S100A8: variants seen among roughly 807,000 people sequenced by gnomAD.
S100A8 encodes the protein protein S100-A8.
S100A8 carries 1 observed loss-of-function variant against 4.2 expected under a neutral mutation model. That is an observed-to-expected ratio of 0.24 (90% CI 0.08 to 1.12). The LOEUF (loss-of-function observed/expected upper bound fraction) is 1.12, where lower values mean the gene tolerates loss of function less well. Among genes scored for constraint, S100A8 ranks in the 50% most tolerant of loss-of-function variants. The probability of loss-of-function intolerance (pLI) is 0.53; values close to 1 mark genes in which losing one functional copy is unlikely to be tolerated. For synonymous variants in S100A8, 41 were observed against 44.7 expected (o/e 0.92, Z 0.33); for missense variants, 96 against 111.8 (o/e 0.86, Z 0.64).
At chr1:153,417,805 T>A in the S100A8 span, 1 of 366,950 alleles carries the variant, frequency 2.7e-6, no homozygotes, top group Non-Finnish European at 4.9e-6. Flanking sequence ...CTGCTTCTCC[T>A]TCTCTGAAGC....
the S100A8 span, chr1:153,417,938 A>AG: frequency 7.2e-6 from 9 of 1,251,624 alleles, no homozygotes; most frequent in African/African-American, 1.5e-5. Flanking sequence ...TCACATTTAA[A>AG]AAAATCAAGT....
At chr1:153,412,877 C>T in the S100A8 span, among the ~76,000 whole-genome samples, 1 of 152,124 alleles carries the variant, frequency 6.6e-6, no homozygotes, top group Non-Finnish European at 1.5e-5. Flanking sequence ...AGCAGACTAT[C>T]GCAAGGATAG....
the S100A8 span, chr1:153,417,936 A>T: frequency 9.2e-7 from 1 of 1,084,290 alleles, no homozygotes; most frequent in Non-Finnish European, 1.2e-6. Context: ...CATCACATTT[A>T]AAAAAATCAA....
chr1:153,391,273 G>A, upstream of S100A8: 1 of 885,196 alleles, frequency 1.1e-6, no homozygotes, highest in East Asian at 1.2e-4. Context: ...GGCATTTGCT[G>A]GGCAATAGTG....
the S100A8 span, among the ~76,000 whole-genome samples, chr1:153,411,158 G>C: frequency 1.3e-5 from 2 of 152,088 alleles, no homozygotes; most frequent in African/African-American, 2.4e-5. Context: ...AGAAATAAAG[G>C]GTATTCAATT....
At chr1:153,397,611 G>T in the S100A8 span, among the ~76,000 whole-genome samples, 47 of 152,304 alleles carry the variant, frequency 3.1e-4, no homozygotes, top group African/African-American at 1.0e-3. Flanking sequence ...GGCAGGGCGG[G>T]TGAGGCAGCT....
chr1:153,412,222 G>A, the S100A8 span, among the ~76,000 whole-genome samples: 4 of 152,070 alleles, frequency 2.6e-5, no homozygotes, highest in African/African-American at 9.7e-5. Flanking sequence ...GAAAATTTTT[G>A]CAACCTACTC....
At chr1:153,404,804 A>G in the S100A8 span, among the ~76,000 whole-genome samples, 3 of 151,356 alleles carry the variant, frequency 2.0e-5, no homozygotes, top group Non-Finnish European at 4.4e-5. Context: ...TTTTTTTAAC[A>G]GGTGCAAGAT....
intron 1 of S100A8, 192 bp from the exon 2 acceptor site, chr1:153,390,749 G>T (rs942806670): frequency 2.9e-6 from 2 of 692,568 alleles, no homozygotes; most frequent in African/African-American, 3.6e-5. Context: ...GAAGGGGAAG[G>T]GTCCATTCAC....
the S100A8 span, among the ~76,000 whole-genome samples, chr1:153,412,344 A>C: frequency 6.6e-6 from 1 of 152,272 alleles, no homozygotes; most frequent in Non-Finnish European, 1.5e-5. Flanking sequence ...GACACTTCTC[A>C]AAAGATGACA....
the S100A8 span, among the ~76,000 whole-genome samples, chr1:153,403,203 G>T: frequency 1.3e-5 from 2 of 152,188 alleles, no homozygotes; most frequent in Non-Finnish European, 2.9e-5. Context: ...TTTCTTCTAA[G>T]AGTTTTAGTT....
At chr1:153,395,571 G>A (rs1354777373), upstream of S100A8, among the ~76,000 whole-genome samples, 3 of 152,092 alleles carry the variant, frequency 2.0e-5, no homozygotes, top group Non-Finnish European at 4.4e-5. Flanking sequence ...GGCTGTGCAG[G>A]TCTGATCTGT....
chr1:153,405,826 A>G, the S100A8 span, among the ~76,000 whole-genome samples: 20,869 of 151,138 alleles, frequency 0.14, 1,261 homozygotes, highest in African/African-American at 0.22. Flanking sequence ...CAGTGGGACC[A>G]CAGGCTCTGG....
At chr1:153,395,939 G>C (rs1040003547), upstream of S100A8, among the ~76,000 whole-genome samples, 1 of 152,212 alleles carries the variant, frequency 6.6e-6, no homozygotes, top group Non-Finnish European at 1.5e-5. Flanking sequence ...CTCTCTTTCA[G>C]AGCAGGGATG....
the S100A8 span, among the ~76,000 whole-genome samples, chr1:153,407,453 T>C: frequency 1.3e-5 from 2 of 152,070 alleles, no homozygotes; most frequent in Non-Finnish European, 2.9e-5. Flanking sequence ...CTTGAGTAGG[T>C]AAACAAAGCA....
upstream of S100A8, among the ~76,000 whole-genome samples, chr1:153,393,093 G>T (rs769015204): frequency 7.2e-5 from 11 of 152,052 alleles, no homozygotes; most frequent in Admixed American, 7.2e-4. Flanking sequence ...GTAATTCAGC[G>T]TATCAAATGA....
At chr1:153,414,880 C>T in the S100A8 span, among the ~76,000 whole-genome samples, 1 of 152,190 alleles carries the variant, frequency 6.6e-6, no homozygotes, top group Non-Finnish European at 1.5e-5. Context: ...AAATAACACG[C>T]ATTGTACCCA....
chr1:153,407,975 A>G, the S100A8 span, among the ~76,000 whole-genome samples: 1 of 152,226 alleles, frequency 6.6e-6, no homozygotes, highest in African/African-American at 2.4e-5. Context: ...GTACGTCACC[A>G]TCATAAAAGA....
chr1:153,412,422 T>C, the S100A8 span, among the ~76,000 whole-genome samples: 9 of 152,192 alleles, frequency 5.9e-5, no homozygotes, highest in African/African-American at 1.4e-4. Flanking sequence ...AAATCAAAAC[T>C]ACAATGAGAT....
Sources: gnomAD v4.1 joint callset for allele counts (sites outside exome capture counted in the v4.1 genomes callset) on GRCh38, gnomAD v4.1.1 for gene constraint, MANE v1.5 for transcripts, NCBI Gene and HGNC (gene_info 2026-07-23, HGNC 2026-07-21) for gene names.